The following CDKL2 variants were observed in gnomAD, a reference collection of about 807,000 sequenced individuals.
CDKL2 encodes cyclin dependent kinase like 2.
In CDKL2, 64 loss-of-function variants were observed where a neutral mutation model predicts 63.9. The observed-to-expected ratio is 1.00, with a 90% CI of 0.82 to 1.23. The LOEUF (loss-of-function observed/expected upper bound fraction) is 1.23, where lower values mean the gene tolerates loss of function less well. CDKL2 is among the 50% of genes most tolerant of loss of function. CDKL2 has a pLI of 0.00. For synonymous variants in CDKL2, 211 were observed against 229.2 expected (o/e 0.92, Z 0.72); for missense variants, 656 against 668.0 (o/e 0.98, Z 0.20).
intron 2 of CDKL2, among the ~76,000 whole-genome samples, chr4:75,616,477 A>T (rs1729929969): frequency 6.6e-6 from 1 of 152,102 alleles, no homozygotes. Context: ...AACCTGGCCA[A>T]CATGGCAAAA....
intron 4 of CDKL2, 66 bp from the exon 5 acceptor site, chr4:75,605,700 G>T: frequency 1.1e-6 from 1 of 949,880 alleles, no homozygotes; most frequent in South Asian, 1.4e-5. Context: ...AAAGCTTTTT[G>T]AGCACTGAGG....
At chr4:75,607,812 G>GA (rs983170379) in intron 3 of CDKL2, among the ~76,000 whole-genome samples, 23 of 151,556 alleles carry the variant, frequency 1.5e-4, no homozygotes, top group Admixed American at 3.3e-4. Flanking sequence ...AGATTGTGGG[G>GA]AAAAAAAAAT....
intron 6 of CDKL2, among the ~76,000 whole-genome samples, chr4:75,602,164 T>C (rs1729220407): frequency 7.9e-6 from 1 of 127,034 alleles, no homozygotes; most frequent in African/African-American, 2.6e-5. Context: ...TACATTTTGT[T>C]TTTTTTTTGT....
At chr4:75,601,319 A>G (rs1729181426) in intron 6 of CDKL2, among the ~76,000 whole-genome samples, 1 of 152,154 alleles carries the variant, frequency 6.6e-6, no homozygotes, top group Non-Finnish European at 1.5e-5. Flanking sequence ...GATGCTTTAC[A>G]AAGATTATTT....
chr4:75,606,351 A>C (rs7680431), intron 4 of CDKL2, among the ~76,000 whole-genome samples: 60,756 of 151,654 alleles, frequency 0.4, 12,899 homozygotes, highest in African/African-American at 0.51. Context: ...AGTAGCTGGG[A>C]TTACAGGTGC....
At chr4:75,623,235 T>G in intron 2 of CDKL2, among the ~76,000 whole-genome samples, 1 of 152,122 alleles carries the variant, frequency 6.6e-6, no homozygotes, top group Non-Finnish European at 1.5e-5. Flanking sequence ...GTCAAGATCA[T>G]GCCACTGCAC....
chr4:75,580,379 T>G (rs1728207802), intron 13 of CDKL2, among the ~76,000 whole-genome samples: 1 of 152,204 alleles, frequency 6.6e-6, no homozygotes, highest in Non-Finnish European at 1.5e-5. Context: ...CAAAATGGTC[T>G]GATTGGCCAG....
chr4:75,580,569 G>T (rs1728216103), intron 13 of CDKL2, among the ~76,000 whole-genome samples: 1 of 150,996 alleles, frequency 6.6e-6, no homozygotes, highest in South Asian at 2.1e-4. Flanking sequence ...CAGGAGGCTG[G>T]GGTGGGAGGA....
chr4:75,599,880 C>T (rs1052001181), intron 7 of CDKL2, among the ~76,000 whole-genome samples: 4 of 152,208 alleles, frequency 2.6e-5, no homozygotes, highest in African/African-American at 9.6e-5. Flanking sequence ...GTCTCCAACA[C>T]ATCAGCAGTG....
At chr4:75,614,471 T>C (rs776322670) in intron 2 of CDKL2, 22 bp from the exon 3 acceptor site, 1 of 1,479,966 alleles carries the variant, frequency 6.8e-7, no homozygotes, top group South Asian at 1.3e-5. Flanking sequence ...AAATGCAAAA[T>C]AGCTGTTATT....
chr4:75,606,782 T>C (rs1729441639), intron 4 of CDKL2, among the ~76,000 whole-genome samples: 1 of 152,252 alleles, frequency 6.6e-6, no homozygotes, highest in African/African-American at 2.4e-5. Flanking sequence ...CAACCCTTTC[T>C]TCTTTGAAGA....
chr4:75,596,709 C>CAGAGAGTAGATTCT (rs1227786999), intron 9 of CDKL2, among the ~76,000 whole-genome samples: 3 of 152,170 alleles, frequency 2.0e-5, no homozygotes, highest in African/African-American at 7.2e-5. Context: ...ATTCTCTTCA[C>CAGAGAGTAGATTCT]CTTAAGCAAT....
At chr4:75,616,987 G>GA (rs1729956605) in intron 2 of CDKL2, among the ~76,000 whole-genome samples, 1 of 152,048 alleles carries the variant, frequency 6.6e-6, no homozygotes. Flanking sequence ...AGAGGACCAG[G>GA]AAAAATGACT....
chr4:75,593,624 G>A (rs892777176), intron 10 of CDKL2, among the ~76,000 whole-genome samples: 1 of 152,064 alleles, frequency 6.6e-6, no homozygotes, highest in African/African-American at 2.4e-5. Flanking sequence ...CTGGCAAAAT[G>A]GTATTGAACC....
intron 12 of CDKL2, 44 bp downstream of exon 12, chr4:75,591,775 G>C (rs777652310): frequency 4.0e-4 from 519 of 1,304,428 alleles, no homozygotes; most frequent in Non-Finnish European, 4.5e-4. Context: ...GTAAGTAAGA[G>C]AGAGACCCGA....
intron 2 of CDKL2, among the ~76,000 whole-genome samples, chr4:75,615,295 G>T (rs773390377): frequency 6.6e-6 from 1 of 152,018 alleles, no homozygotes; most frequent in Non-Finnish European, 1.5e-5. Context: ...GTCCTCCAAA[G>T]ACTCAGACTT....
At position 75,596,043 on chromosome 4, in the gene CDKL2, A is replaced by G. The variant is rs968869785; in HGVS notation, c.1416+204T>C. ...AAGGAAGGAAGGAAGAAAGGAAGGA[A>G]GGAGTTTTTAGACTCATAAAACTTA... On this transcript the variant is annotated intron_variant, in intron 10 of 13. Transcript: ENST00000307465. 8.8e-6 allele frequency: 3 copies of G among 339,940 alleles called. No individual in the cohort carries two copies. In the East Asian group the frequency reaches 1.4e-4, roughly 15 times the overall value. The allele number at this position is 339,940 out of a possible 1,614,324, so 21.1% of individuals were successfully genotyped here.
At position 75,597,167 on chromosome 4, in the gene CDKL2, C is replaced by T. The variant is rs774356262; in HGVS notation, c.1090G>A (p.Glu364Lys). The change falls in exon 9 of 14, where the codon GAA becomes AAA. Residue 364 changes from glutamate (E) to lysine (K), a missense_variant. Physicochemically the swap from Glu to Lys is moderately conservative, Grantham distance 56. Coordinates refer to ENST00000307465, the MANE Select transcript of CDKL2 (RefSeq NM_001330724.2). ...FKIKGSKIDG[E>K]KAEKGNRASN... ...GCTCTATTGCCTTTTTCAGCTTTTT[C>T]TCCATCAATTTTTGAGCCTTTTATT... The T allele has an allele frequency of 7.4e-6, 12 of 1,613,410 alleles. No homozygotes were observed. Among genetic ancestry groups the T allele is most frequent in the Non-Finnish European group, 1.0e-5 (12 of 1,179,502 alleles).
chr4:75,596,575 T>C (rs1728943306), intron 9 of CDKL2, among the ~76,000 whole-genome samples: 1 of 152,164 alleles, frequency 6.6e-6, no homozygotes, highest in Admixed American at 6.5e-5. Flanking sequence ...TCAGCAAAAT[T>C]CCCAAATGGA....
Sources: allele counts gnomAD v4.1 joint callset (sites outside exome capture counted in the v4.1 genomes callset), GRCh38; gene constraint gnomAD v4.1.1; transcripts MANE v1.5; gene names NCBI Gene and HGNC (gene_info 2026-07-23, HGNC 2026-07-21).